Variants in NFYA observed in about 807,000 individuals in gnomAD.
NFYA encodes the protein nuclear transcription factor Y subunit alpha.
A neutral mutation model predicts 52.8 loss-of-function variants in NFYA; 28 were observed. The ratio of observed to expected loss-of-function variants is 0.53; its 90% confidence interval spans 0.39 to 0.73. The LOEUF (loss-of-function observed/expected upper bound fraction) is 0.73. Ranked by LOEUF, NFYA falls within the 30% of genes least tolerant of loss-of-function variation. NFYA has a pLI of 0.00. For missense variants in NFYA, 234 were observed against 427.0 expected, an observed-to-expected ratio of 0.55 and a Z score of 3.98; for synonymous variants, 150 against 150.7, an observed-to-expected ratio of 1.00 and a Z score of 0.03.
chr6:41,078,912 A>G, intron 1 of NFYA, 117 bp from the exon 2 acceptor site: 2 of 536,828 alleles, frequency 3.7e-6, no homozygotes, highest in Non-Finnish European at 6.7e-6. Context: ...AGCATTTCCT[A>G]TTCTCCTATC....
In NFYA at chr6:41,097,867, A is replaced by AT. The variant is rs1764403267; in HGVS notation, c.*457_*458insT. 6.4e-6 allele frequency: 1 copy of AT among 155,174 alleles called. No individual in the cohort carries two copies. 9.6% of individuals were successfully genotyped at this position (155,174 alleles called of 1,614,324 possible). On this transcript the variant is annotated 3_prime_UTR_variant, in exon 10 of 10. Coordinates refer to ENST00000341376, the MANE Select transcript of NFYA (RefSeq NM_002505.5). ...AATCTCACACTGACTAACTGAATGGACGCTTTGTATTCAGAGATGGCTTCC... is the reference window on the plus strand; with the variant it reads ...AATCTCACACTGACTAACTGAATGGATCGCTTTGTATTCAGAGATGGCTTCC...
rs985281071 is a variant in NFYA, at chr6:41,100,564, A to G, written c.*3154A>G. ...TGCCCTGGCAGATGAGAGAGGAGAA[A>G]CTCTCCACAATGAAGGAAAAGCACT... On this transcript the variant is annotated 3_prime_UTR_variant, in exon 10 of 10. Coordinates refer to ENST00000341376, the MANE Select transcript of NFYA (RefSeq NM_002505.5). Among the ~76,000 whole-genome samples, 6 of 152,072 alleles carry G rather than the reference A, an allele frequency of 3.9e-5. No homozygotes were observed. Among genetic ancestry groups the G allele is most frequent in the Non-Finnish European group, 8.8e-5 (6 of 68,008 alleles).
Position 41,080,952 on chromosome 6 carries a change from G to A in NFYA, c.162+55G>A, listed in dbSNP as rs535501836. The A allele has an allele frequency of 7.1e-5, 98 of 1,388,300 alleles. 1 individual carries two copies. The highest frequency in any genetic ancestry group is 8.8e-5 in the Non-Finnish European group (86 of 977,644). 86.0% of individuals were successfully genotyped at this position (1,388,300 alleles called of 1,614,324 possible). The stretch of plus-strand genomic sequence containing the variant: ...CTGCATGAACTTCTCCTCTCCTCAT[G>A]TCTGGTGCTGTTTGTGTTAGGATCT... On this transcript the variant is annotated intron_variant, in intron 3 of 9. Transcript: ENST00000341376.
intron 4 of NFYA, among the ~76,000 whole-genome samples, chr6:41,085,389 A>C (rs552687821): frequency 6.6e-6 from 1 of 152,358 alleles, no homozygotes; most frequent in South Asian, 2.1e-4. Flanking sequence ...ATCATCATTA[A>C]AAGAAATGAA....
At chr6:41,091,087 G>A (rs1764187632) in intron 6 of NFYA, among the ~76,000 whole-genome samples, 1 of 152,184 alleles carries the variant, frequency 6.6e-6, no homozygotes, top group Non-Finnish European at 1.5e-5. Context: ...TTGATAGTCT[G>A]GGGACTTGGA....
chr6:41,080,742 G>A (rs1258078898), intron 2 of NFYA, 69 bp from the exon 3 acceptor site: 12 of 1,288,532 alleles, frequency 9.3e-6, no homozygotes, highest in Non-Finnish European at 1.2e-5. Flanking sequence ...AAGAGGTAAG[G>A]TGATCTGTGT....
At chr6:41,091,822 CT>C in intron 7 of NFYA, 128 bp downstream of exon 7, 1 of 1,000,302 alleles carries the variant, frequency 1.0e-6, no homozygotes, top group Non-Finnish European at 1.5e-6. Flanking sequence ...CGGTAATCTA[CT>C]TTGACAATAA....
intron 2 of NFYA, 126 bp downstream of exon 2, chr6:41,079,290 A>C: frequency 1.2e-6 from 1 of 850,482 alleles, no homozygotes; most frequent in Non-Finnish European, 1.9e-6. Flanking sequence ...ATTGGGTCTG[A>C]TGGCTTGTGC....
rs781620237 is a variant in NFYA, at chr6:41,089,605, C to T, written c.336C>T (p.Ile112=). 55 of 1,612,318 alleles carry T rather than the reference C, an allele frequency of 3.4e-5. No individual in the cohort carries two copies. The highest frequency in any genetic ancestry group is 4.5e-5 in the Non-Finnish European group (53 of 1,179,912). Reference sequence around the variant, plus strand: ...TACAGTTGGTCCCACCTGGACAGATCCAGATCCAGGGTGGACAGGCTGTGC... The same window carrying T: ...TACAGTTGGTCCCACCTGGACAGATTCAGATCCAGGGTGGACAGGCTGTGC... ...QQIQLVPPGQ[I]QIQGGQAVQV... is the part of the protein sequence containing the mutation. Residue 112 remains isoleucine, a synonymous_variant, in exon 5 of 10, where the codon ATC becomes ATT. Coordinates refer to ENST00000341376, the MANE Select transcript of NFYA (RefSeq NM_002505.5).
At chr6:41,095,605 A>AT (rs1315872120) in intron 9 of NFYA, among the ~76,000 whole-genome samples, 6 of 152,038 alleles carry the variant, frequency 3.9e-5, no homozygotes, top group Non-Finnish European at 8.8e-5. Flanking sequence ...TAATTTTTAA[A>AT]TTTTTTGTAG....
At chr6:41,077,322 A>C (rs1763765906) in intron 1 of NFYA, among the ~76,000 whole-genome samples, 1 of 152,178 alleles carries the variant, frequency 6.6e-6, no homozygotes, top group African/African-American at 2.4e-5. Flanking sequence ...CTGCTACCAC[A>C]ATGAAGATAT....
At position 41,097,478 on chromosome 6, in the gene NFYA, T is replaced by G; in HGVS notation, c.*68T>G. The G allele has an allele frequency of 2.6e-6, 4 of 1,509,880 alleles. No homozygotes were observed. The highest frequency in any genetic ancestry group is 3.7e-6 in the Non-Finnish European group (4 of 1,086,856). The allele number at this position is 1,509,880 out of a possible 1,614,324, so 93.5% of individuals were successfully genotyped here. A position where few individuals can be genotyped will look rare whatever the true frequency, so the allele number is the denominator to read the frequency against. On this transcript the variant is annotated 3_prime_UTR_variant, in exon 10 of 10. Coordinates refer to ENST00000341376, the MANE Select transcript of NFYA (RefSeq NM_002505.5). ...CTGTTCCAGGAAATTGATCAACTCT[T>G]CCAATGGGACATTGATGATCACATT...
Position 41,079,174 on chromosome 6 carries a change from C to A in NFYA, c.75+10C>A. 6.2e-7 allele frequency: 1 copy of A among 1,613,820 alleles called. No homozygotes were observed. The highest frequency in any genetic ancestry group is 8.5e-7 in the Non-Finnish European group (1 of 1,179,710). On this transcript the variant is annotated intron_variant, in intron 2 of 9. Coordinates refer to ENST00000341376, the MANE Select transcript of NFYA (RefSeq NM_002505.5). ...ACAGATTCAGCAGCAGGTATGGAAG[C>A]AAAACTGCTTTAAACATTACAGCAA...
Position 41,090,316 on chromosome 6 carries a change from G to A in NFYA, c.547+7G>A, listed in dbSNP as rs560914522. On this transcript the variant is annotated splice_region_variant and intron_variant, in intron 6 of 9. Coordinates refer to ENST00000341376, the MANE Select transcript of NFYA (RefSeq NM_002505.5). Reference sequence around the variant, plus strand: ...GGCACCATTCTCCAGCAAGGTAAGTGTACCCATAAGCTTCCCTAGGACTTT... The same window carrying A: ...GGCACCATTCTCCAGCAAGGTAAGTATACCCATAAGCTTCCCTAGGACTTT... 5.6e-6 allele frequency: 9 copies of A among 1,602,608 alleles called. No homozygotes were observed. The highest frequency in any genetic ancestry group is 7.7e-6 in the Non-Finnish European group (9 of 1,170,084).
In NFYA at chr6:41,100,972, A is replaced by ATTGGCTGCTACGCGGC. The variant is rs1487389534; in HGVS notation, c.*3564_*3579dup. On this transcript the variant is annotated 3_prime_UTR_variant, in exon 10 of 10. Transcript: ENST00000341376. ...GCCTCCAATAGAGCCTGCTAGGCGG[A>ATTGGCTGCTACGCGGC]TTGGCTGCTACGCGGCTGGGCCCTG... The ATTGGCTGCTACGCGGC allele has an allele frequency of 2.6e-5, 4 of 151,040 alleles. No homozygotes were observed. The highest frequency in any genetic ancestry group is 7.3e-5 in the African/African-American group (3 of 41,364). 9.4% of individuals were successfully genotyped at this position (151,040 alleles called of 1,614,324 possible). A position where few individuals can be genotyped will look rare whatever the true frequency, so the allele number is the denominator to read the frequency against.
At position 41,084,108 on chromosome 6, in the gene NFYA, A is replaced by C; in HGVS notation, c.225A>C (p.Gln75His). ...GCCAGCTAATCACATCAACTGGCCA[A>C]CCCATCATGGTCCAGGCTGTCCCTG... ...SGGQLITSTGQPIMVQAVPGG... is the reference protein window; with the variant it reads ...SGGQLITSTGHPIMVQAVPGG... The change falls in exon 4 of 10, where the codon CAA becomes CAC. Residue 75 changes from glutamine to histidine, a missense_variant. Transcript: ENST00000341376. 1 of 1,614,170 alleles carries C rather than the reference A, an allele frequency of 6.2e-7. No homozygotes were observed. The highest frequency in any genetic ancestry group is 2.2e-5 in the East Asian group (1 of 44,888).
intron 1 of NFYA, among the ~76,000 whole-genome samples, chr6:41,077,843 C>T (rs1343127047): frequency 6.6e-6 from 1 of 152,174 alleles, no homozygotes; most frequent in African/African-American, 2.4e-5. Flanking sequence ...GCCACAAGTC[C>T]TCTTGCTGTG....
rs908200147 is a variant in NFYA, at chr6:41,092,778, C to T, written c.715-134C>T. On this transcript the variant is annotated intron_variant, in intron 7 of 9. Transcript: ENST00000341376. Reference sequence around the variant, plus strand: ...TTTAGTATAAATTTCTCCAGGGATCCGCATTTACCCAAGTACCCTATAAAA... The same window carrying T: ...TTTAGTATAAATTTCTCCAGGGATCTGCATTTACCCAAGTACCCTATAAAA... 47 of 763,812 alleles carry T rather than the reference C, an allele frequency of 6.2e-5. 1 individual carries two copies. The highest frequency in any genetic ancestry group is 4.6e-4 in the African/African-American group (26 of 56,652). 47.3% of individuals were successfully genotyped at this position (763,812 alleles called of 1,614,324 possible). A position where few individuals can be genotyped will look rare whatever the true frequency, so the allele number is the denominator to read the frequency against.
Position 41,073,033 on chromosome 6 carries a change from T to G in NFYA, c.-113T>G, listed in dbSNP as rs1763557798. 3 of 154,920 alleles carry G rather than the reference T, an allele frequency of 1.9e-5. No individual in the cohort carries two copies. The South Asian group carries it at 5.2e-4, about 27-fold the overall frequency. 9.6% of individuals were successfully genotyped at this position (154,920 alleles called of 1,614,324 possible). On this transcript the variant is annotated 5_prime_UTR_variant, in exon 1 of 10. Coordinates refer to ENST00000341376, the MANE Select transcript of NFYA (RefSeq NM_002505.5). ...TGGAGCCTCTGATTGGGTTTCGGAG[T>G]CCGGTACTGGAGCCAATCAGCGCGG...
Sources: allele counts gnomAD v4.1 joint callset (sites outside exome capture counted in the v4.1 genomes callset), GRCh38; gene constraint gnomAD v4.1.1; transcripts MANE v1.5; gene names NCBI Gene and HGNC (gene_info 2026-07-23, HGNC 2026-07-21).